The following SGTB variants were observed in gnomAD, a reference collection of about 807,000 sequenced individuals.
SGTB encodes small glutamine rich tetratricopeptide repeat co-chaperone beta.
In SGTB, 19 loss-of-function variants were observed where a neutral mutation model predicts 43.9. The ratio of observed to expected loss-of-function variants is 0.43; its 90% confidence interval spans 0.30 to 0.63. SGTB has a LOEUF of 0.63. Ranked by LOEUF, SGTB falls within the 30% of genes least tolerant of loss-of-function variation. The pLI, the probability that SGTB is intolerant of heterozygous loss-of-function variation, is 0.12. For synonymous variants in SGTB, 116 were observed against 117.3 expected (o/e 0.99, Z 0.07); for missense variants, 304 against 358.9 (o/e 0.85, Z 1.24).
intron 7 of SGTB, 32 bp downstream of exon 7, chr5:65,680,624 A>G (rs371816030): frequency 3.1e-5 from 50 of 1,613,764 alleles, no homozygotes; most frequent in Non-Finnish European, 3.8e-5. Flanking sequence ...AATGACAGAA[A>G]ATACTTCACT....
At position 65,666,040 on chromosome 5, in the gene SGTB, T is replaced by G. The variant is rs1362189793; in HGVS notation, c.*4206A>C. On this transcript the variant is annotated 3_prime_UTR_variant, in exon 11 of 11. Transcript: ENST00000381007. ...ATTGAGTAATAATTAATGAAATGTC[T>G]GTACAAAATAAAGTGCAAGCAGTGT... is the stretch of plus-strand genomic sequence containing the variant. 6.6e-6 allele frequency: 1 copy of G among 152,606 alleles called. No individual in the cohort carries two copies. The highest frequency in any genetic ancestry group is 2.4e-5 in the African/African-American group (1 of 41,472). 9.5% of individuals were successfully genotyped at this position (152,606 alleles called of 1,614,324 possible). A position where few individuals can be genotyped will look rare whatever the true frequency, so the allele number is the denominator to read the frequency against.
chr5:65,709,883 A>T (rs1758012920), intron 3 of SGTB, among the ~76,000 whole-genome samples: 1 of 152,200 alleles, frequency 6.6e-6, no homozygotes, highest in South Asian at 2.1e-4. Context: ...TATAGGCATG[A>T]GCCACCATGC....
chr5:65,691,324 G>A (rs1281357966), intron 5 of SGTB, among the ~76,000 whole-genome samples: 1 of 152,136 alleles, frequency 6.6e-6, no homozygotes, highest in East Asian at 1.9e-4. Flanking sequence ...GAGCTTCCTT[G>A]GAGAAATAGT....
chr5:65,674,662 T>A (rs533159209), intron 8 of SGTB, among the ~76,000 whole-genome samples: 1 of 152,304 alleles, frequency 6.6e-6, no homozygotes, highest in South Asian at 2.1e-4. Context: ...ACAAAACATG[T>A]TTTTTATCCC....
chr5:65,705,637 A>G (rs1012372327), intron 4 of SGTB, among the ~76,000 whole-genome samples: 6 of 152,212 alleles, frequency 3.9e-5, no homozygotes, highest in Non-Finnish European at 5.9e-5. Flanking sequence ...TCCAAGGAAC[A>G]AAAACAGAAT....
At chr5:65,713,119 GT>G (rs3833969) in intron 2 of SGTB, 55 bp from the exon 3 acceptor site, 675,225 of 1,121,260 alleles carry the variant, frequency 0.6, 200,607 homozygotes, top group African/African-American at 0.68. Flanking sequence ...AAAGAAACAA[GT>G]TTTTTTTTTC....
chr5:65,680,432 T>C, intron 8 of SGTB, 62 bp downstream of exon 8: 1 of 1,554,876 alleles, frequency 6.4e-7, no homozygotes, highest in Non-Finnish European at 8.7e-7. Context: ...TAAAAAAAAT[T>C]GCATAGCTAC....
At position 65,670,646 on chromosome 5, in the gene SGTB, C is replaced by T. The variant is rs139072849; in HGVS notation, c.804-289G>A. Reference sequence around the variant, plus strand: ...AATGACAAAGAAGCAAAGGGTAAGACGTATATGTTTTTATTGTATGTGCTC... The same window carrying T: ...AATGACAAAGAAGCAAAGGGTAAGATGTATATGTTTTTATTGTATGTGCTC... On this transcript the variant is annotated intron_variant, in intron 10 of 10. Transcript: ENST00000381007. Among the ~76,000 whole-genome samples the T allele has an allele frequency of 5.4e-3, 820 of 152,208 alleles. 4 individuals carry two copies. Among genetic ancestry groups the T allele is most frequent in the Non-Finnish European group, 8.3e-3 (565 of 68,002 alleles).
intron 8 of SGTB, among the ~76,000 whole-genome samples, chr5:65,675,246 A>ATATC (rs776834915): frequency 9.9e-5 from 15 of 152,202 alleles, no homozygotes; most frequent in Non-Finnish European, 2.2e-4. Context: ...ATCTATATCT[A>ATATC]TATCTATCTA....
chr5:65,690,397 C>T (rs1445089973), intron 5 of SGTB, among the ~76,000 whole-genome samples: 1 of 152,158 alleles, frequency 6.6e-6, no homozygotes, highest in Non-Finnish European at 1.5e-5. Flanking sequence ...CATGTTCATG[C>T]CACTGTACTT....
At chr5:65,692,076 TA>T (rs1043460069) in intron 5 of SGTB, among the ~76,000 whole-genome samples, 3 of 152,050 alleles carry the variant, frequency 2.0e-5, no homozygotes, top group Admixed American at 1.3e-4. Context: ...AGCGAATTTT[TA>T]AAAAATTAAC....
At chr5:65,670,484 C>G in intron 10 of SGTB, 127 bp from the exon 11 acceptor site, 1 of 669,056 alleles carries the variant, frequency 1.5e-6, no homozygotes, top group East Asian at 2.6e-5. Flanking sequence ...AGTTTCAGAG[C>G]CATGACTTTA....
intron 5 of SGTB, among the ~76,000 whole-genome samples, chr5:65,697,676 G>C (rs1310725726): frequency 6.6e-6 from 1 of 152,076 alleles, no homozygotes; most frequent in Non-Finnish European, 1.5e-5. Context: ...ATTAATAAAG[G>C]AATTTTTGTG....
At chr5:65,702,914 A>G (rs1177716903) in intron 5 of SGTB, among the ~76,000 whole-genome samples, 3 of 152,376 alleles carry the variant, frequency 2.0e-5, no homozygotes, top group Non-Finnish European at 2.9e-5. Context: ...AATCATTTGC[A>G]TACTTAGTGC....
At chr5:65,671,811 G>T (rs1016422319) in intron 10 of SGTB, 104 bp downstream of exon 10, 1 of 1,043,886 alleles carries the variant, frequency 9.6e-7, no homozygotes, top group Non-Finnish European at 1.4e-6. Context: ...GTTACTAACG[G>T]TAAAAGATAA....
chr5:65,717,254 T>C (rs906371053), intron 2 of SGTB, among the ~76,000 whole-genome samples: 3 of 152,284 alleles, frequency 2.0e-5, no homozygotes, highest in East Asian at 3.9e-4. Flanking sequence ...AAAGCAAGTA[T>C]AGACCATTCT....
chr5:65,712,881 T>A, intron 3 of SGTB, 80 bp downstream of exon 3: 1 of 1,043,706 alleles, frequency 9.6e-7, no homozygotes, highest in Non-Finnish European at 1.5e-6. Flanking sequence ...CTCATATACC[T>A]GGCCCCTCAG....
At chr5:65,686,515 TTG>T (rs1287555716) in intron 5 of SGTB, among the ~76,000 whole-genome samples, 7 of 150,798 alleles carry the variant, frequency 4.6e-5, no homozygotes, top group Admixed American at 4.6e-4. Flanking sequence ...TTACCCACAT[TTG>T]TTTTTTTTTT....
At chr5:65,685,244 G>A (rs1757476292) in intron 6 of SGTB, 124 bp downstream of exon 6, 1 of 743,932 alleles carries the variant, frequency 1.3e-6, no homozygotes, top group East Asian at 2.6e-5. Flanking sequence ...CCTCCCTTAT[G>A]TTTTATTTAT....
Sources: allele counts gnomAD v4.1 joint callset (sites outside exome capture counted in the v4.1 genomes callset), GRCh38; gene constraint gnomAD v4.1.1; transcripts MANE v1.5; gene names NCBI Gene and HGNC (gene_info 2026-07-23, HGNC 2026-07-21).